The following PRKCZ variants were observed in gnomAD, a reference collection of about 807,000 sequenced individuals.
The protein encoded by PRKCZ is protein kinase C zeta.
A neutral mutation model predicts 79.5 loss-of-function variants in PRKCZ; 33 were observed. The ratio of observed to expected loss-of-function variants is 0.41; its 90% CI spans 0.31 to 0.55. The LOEUF (loss-of-function observed/expected upper bound fraction) is 0.55, where lower values mean the gene tolerates loss of function less well. PRKCZ is among the 20% of genes least tolerant of loss of function. PRKCZ has a pLI of 0.19. For missense variants in PRKCZ, 578 were observed against 813.5 expected (o/e 0.71, Z 3.52); for synonymous variants, 342 against 320.9 (o/e 1.07, Z -0.70).
intron 4 of PRKCZ, among the ~76,000 whole-genome samples, chr1:2,132,345 G>A (rs1675150819): frequency 2.6e-5 from 4 of 152,172 alleles, no homozygotes; most frequent in African/African-American, 4.8e-5. Flanking sequence ...GAATGCTCCC[G>A]AGCCCAGGAG....
chr1:2,152,495 G>C (rs1680093162), intron 9 of PRKCZ, among the ~76,000 whole-genome samples: 1 of 152,184 alleles, frequency 6.6e-6, no homozygotes, highest in Non-Finnish European at 1.5e-5. Flanking sequence ...TCACGCTACT[G>C]CACTCCAGTC....
intron 4 of PRKCZ, among the ~76,000 whole-genome samples, chr1:2,108,062 G>A (rs953265030): frequency 2.6e-5 from 4 of 152,256 alleles, no homozygotes; most frequent in African/African-American, 9.6e-5. Flanking sequence ...GGCCAGTCGG[G>A]GTGGTTGGAT....
chr1:2,135,327 C>A lies in PRKCZ; in HGVS notation c.400C>A (p.Gln134Lys). The A allele has an allele frequency of 6.2e-7, 1 of 1,613,094 alleles. No homozygotes were observed. Among genetic ancestry groups the A allele is most frequent in the Non-Finnish European group, 8.5e-7 (1 of 1,179,566 alleles). The change falls in exon 5 of 18, where the codon CAA becomes AAA. Residue 134 changes from glutamine (Q) to lysine (K), a missense_variant. By Grantham distance (53) the Gln-to-Lys change is moderately conservative. This residue lies in a region of PRKCZ where 228 missense variants were observed against 211.6 expected (regional missense o/e 1.08). Coordinates refer to ENST00000378567, the MANE Select transcript of PRKCZ (RefSeq NM_002744.6). The part of the protein sequence containing the change: ...KLYRANGHLF[Q>K]AKRFNRRAYC... The stretch of plus-strand genomic sequence containing the variant: ...GTACCGTGCCAACGGCCACCTCTTC[C>A]AAGCCAAGCGCTTTAACAGGGTGAG...
At chr1:2,160,651 G>A (rs190534561) in intron 10 of PRKCZ, among the ~76,000 whole-genome samples, 6 of 152,282 alleles carry the variant, frequency 3.9e-5, no homozygotes, top group South Asian at 2.1e-4. Flanking sequence ...GATCTGGGCC[G>A]CAGAAGCCAG....
At chr1:2,170,701 C>G (rs566461328) in intron 11 of PRKCZ, among the ~76,000 whole-genome samples, 1 of 152,336 alleles carries the variant, frequency 6.6e-6, no homozygotes, top group South Asian at 2.1e-4. Context: ...ACTTTCTGTC[C>G]CTCTGATTCG....
chr1:2,085,591 T>TC (rs1254474588), intron 4 of PRKCZ, among the ~76,000 whole-genome samples: 3 of 151,502 alleles, frequency 2.0e-5, no homozygotes, highest in East Asian at 3.9e-4. Flanking sequence ...GCTGAGGATA[T>TC]GGGGGGCCCT....
intron 4 of PRKCZ, among the ~76,000 whole-genome samples, chr1:2,060,869 G>T (rs545902433): frequency 6.6e-6 from 1 of 152,294 alleles, no homozygotes; most frequent in Admixed American, 6.5e-5. Context: ...TCAGGGCCCT[G>T]ATCACCTACG....
chr1:2,120,006 ACT>A (rs1671539990), intron 4 of PRKCZ, among the ~76,000 whole-genome samples: 1 of 151,414 alleles, frequency 6.6e-6, no homozygotes, highest in Non-Finnish European at 1.5e-5. Flanking sequence ...GGTGTTCTCC[ACT>A]CTGTGTGGAG....
chr1:2,146,241 C>A, intron 7 of PRKCZ, 133 bp downstream of exon 7: 1 of 861,204 alleles, frequency 1.2e-6, no homozygotes, highest in Admixed American at 2.3e-5. Flanking sequence ...CCTGGCCACC[C>A]TTCCCTGGGG....
At chr1:2,065,141 C>G (rs2678938) in intron 4 of PRKCZ, among the ~76,000 whole-genome samples, 76,092 of 152,050 alleles carry the variant, frequency 0.5, 22,682 homozygotes, top group East Asian at 0.95. Flanking sequence ...TTCCCTTTTG[C>G]GTTGTTTATT....
At chr1:2,092,842 A>G (rs1417731891) in intron 4 of PRKCZ, among the ~76,000 whole-genome samples, 2 of 152,118 alleles carry the variant, frequency 1.3e-5, no homozygotes, top group Non-Finnish European at 2.9e-5. Flanking sequence ...GGGCTGGAGG[A>G]CACTGAGGGC....
At chr1:2,151,023 G>T (rs1277212792) in intron 9 of PRKCZ, 45 bp downstream of exon 9, 2 of 1,597,704 alleles carry the variant, frequency 1.3e-6, no homozygotes, top group African/African-American at 1.3e-5. Flanking sequence ...GGAACGCGCT[G>T]CCCTGGGGCC....
chr1:2,184,550 C>A (rs45536443), intron 16 of PRKCZ, 33 bp from the exon 17 acceptor site: 1 of 1,563,982 alleles, frequency 6.4e-7, no homozygotes, highest in Non-Finnish European at 8.8e-7. Flanking sequence ...GATGCCCGCG[C>A]GGAGCTGACC....
At chr1:2,162,093 A>G (rs958818462) in intron 10 of PRKCZ, among the ~76,000 whole-genome samples, 34 of 152,246 alleles carry the variant, frequency 2.2e-4, no homozygotes, top group African/African-American at 7.2e-4. Context: ...GGACTTTATA[A>G]TCAACCCGTC....
At chr1:2,179,737 G>A (rs1436765797) in intron 16 of PRKCZ, among the ~76,000 whole-genome samples, 2 of 152,180 alleles carry the variant, frequency 1.3e-5, no homozygotes, top group African/African-American at 4.8e-5. Flanking sequence ...TCCCACCCCG[G>A]GCCCAGGGCT....
intron 4 of PRKCZ, among the ~76,000 whole-genome samples, chr1:2,105,855 A>ATCG (rs1668306715): frequency 6.6e-6 from 1 of 152,230 alleles, no homozygotes; most frequent in Non-Finnish European, 1.5e-5. Context: ...CATAGTTGTC[A>ATCG]TCGTCGGATG....
intron 4 of PRKCZ, among the ~76,000 whole-genome samples, chr1:2,129,090 G>A (rs1674478423): frequency 6.6e-6 from 1 of 152,150 alleles, no homozygotes; most frequent in African/African-American, 2.4e-5. Context: ...CTGCCTGCGG[G>A]CCCAGAAAGG....
At chr1:2,050,854 C>A in intron 1 of PRKCZ, 153 bp downstream of exon 1, 2 of 437,494 alleles carry the variant, frequency 4.6e-6, no homozygotes, top group Non-Finnish European at 7.5e-6. Flanking sequence ...CGGTCCCCGC[C>A]CGTGAGCGTC....
At position 2,058,753 on chromosome 1, in the gene PRKCZ, G is replaced by A. The variant is rs535085186; in HGVS notation, c.284-788G>A. 4.6e-5 allele frequency among the ~76,000 whole-genome samples: 7 copies of A among 151,418 alleles called. No individual in the cohort carries two copies. The East Asian group carries it at 7.9e-4, about 17-fold the overall frequency. ...TCTACTATAAATACAAAAATTAGCC[G>A]GGCGTGGTGGTGTACACTTGTAATC... is the stretch of plus-strand genomic sequence containing the variant. On this transcript the variant is annotated intron_variant, in intron 3 of 17. Transcript: ENST00000378567.
Sources: allele counts gnomAD v4.1 joint callset (sites outside exome capture counted in the v4.1 genomes callset), GRCh38; gene constraint gnomAD v4.1.1; regional missense constraint gnomAD v4.1.1; transcripts MANE v1.5; gene names NCBI Gene and HGNC (gene_info 2026-07-23, HGNC 2026-07-21).